Variants in DCHS2 observed in about 807,000 individuals in gnomAD.
The protein encoded by DCHS2 is dachsous cadherin-related 2.
In DCHS2, 142 loss-of-function variants were observed where a neutral mutation model predicts 182.4. The observed-to-expected ratio is 0.78, with a 90% CI of 0.68 to 0.89. The LOEUF (loss-of-function observed/expected upper bound fraction) is 0.89, where lower values mean the gene tolerates loss of function less well. Among genes scored for constraint, DCHS2 ranks in the 40% least tolerant of loss-of-function variants. DCHS2 has a pLI of 0.00. For missense variants in DCHS2, 4,319 were observed against 4,198.6 expected (o/e 1.03, Z -0.79); for synonymous variants, 1,740 against 1,663.3 (o/e 1.05, Z -1.12).
intron 1 of DCHS2, among the ~76,000 whole-genome samples, chr4:154,440,028 T>C (rs1733934711): frequency 6.6e-6 from 1 of 152,234 alleles, no homozygotes; most frequent in Non-Finnish European, 1.5e-5. Context: ...AAGTCATCTA[T>C]TTATTGAATT....
chr4:154,448,223 G>A (rs889822153), intron 1 of DCHS2, among the ~76,000 whole-genome samples: 7 of 152,022 alleles, frequency 4.6e-5, no homozygotes, highest in African/African-American at 1.7e-4. Context: ...ATGACATGTG[G>A]GCGCTCCTCT....
At position 154,298,417 on chromosome 4, in the gene DCHS2, C is replaced by T; in HGVS notation, c.5897G>A (p.Gly1966Glu). The change falls in exon 13 of 20, where the codon GGG becomes GAG. Residue 1966 changes from glycine to glutamate, a missense_variant. Coordinates refer to ENST00000357232, the MANE Select transcript of DCHS2 (RefSeq NM_001358235.2). ...ATCAGTCAGAAAATACTCAGTTTGC[C>T]CATTCAGGCCTTCATCCTTGTCCAC... ...SAVDKDEGLN[G>E]QTEYFLTDEA... 6.2e-7 allele frequency: 1 copy of T among 1,614,140 alleles called. No individual in the cohort carries two copies. The highest frequency in any genetic ancestry group is 8.5e-7 in the Non-Finnish European group (1 of 1,180,020).
intron 16 of DCHS2, among the ~76,000 whole-genome samples, chr4:154,251,420 G>T (rs1732354393): frequency 8.1e-5 from 12 of 148,298 alleles, no homozygotes; most frequent in Admixed American, 7.5e-4. Flanking sequence ...TCTATTACAA[G>T]AATTCAATTA....
chr4:154,235,415 C>A lies in DCHS2; in HGVS notation c.9237G>T (p.Glu3079Asp). Residue 3079 changes from glutamate to aspartate, a missense_variant, in exon 20 of 20, where the codon GAG becomes GAT. Physicochemically the swap from Glu to Asp is conservative, Grantham distance 45. Coordinates refer to ENST00000357232, the MANE Select transcript of DCHS2 (RefSeq NM_001358235.2). ...GTCTGTACAGATTGACAATATCCTT[C>A]TCCATGATACTTATTAAACTCAACC... ...PEWLSLISIMEKDIVNLYRHS... is the reference protein window; with the variant it reads ...PEWLSLISIMDKDIVNLYRHS... 6.2e-6 allele frequency: 10 copies of A among 1,614,080 alleles called. No homozygotes were observed. The highest frequency in any genetic ancestry group is 8.5e-6 in the Non-Finnish European group (10 of 1,179,978).
At chr4:154,367,278 A>G (rs571170261) in intron 2 of DCHS2, among the ~76,000 whole-genome samples, 8 of 152,248 alleles carry the variant, frequency 5.3e-5, no homozygotes, top group Admixed American at 2.6e-4. Flanking sequence ...AGTGTTCAGA[A>G]CAGACCGAAG....
chr4:154,378,520 AGAAGGAAGGAAG>A (rs70947162), intron 1 of DCHS2, among the ~76,000 whole-genome samples: 4 of 64,016 alleles, frequency 6.2e-5, no homozygotes, highest in African/African-American at 1.4e-4. Context: ...AAGGAAGGAA[AGAAGGAAGGAAG>A]GAAGGAAGGA....
In DCHS2 at chr4:154,377,361, A is replaced by T; in HGVS notation, c.2136T>A (p.Pro712=). The T allele has an allele frequency of 1.2e-6, 2 of 1,613,690 alleles. No individual in the cohort carries two copies. Among genetic ancestry groups the T allele is most frequent in the South Asian group, 2.2e-5 (2 of 91,060 alleles). The change falls in exon 2 of 20, where the codon CCT becomes CCA. Residue 712 remains proline, a synonymous_variant. Coordinates refer to ENST00000357232, the MANE Select transcript of DCHS2 (RefSeq NM_001358235.2). The part of the protein sequence containing the change: ...LYDGFLSYEA[P]QAFRIDPHDG... The stretch of plus-strand genomic sequence containing the variant: ...CATGAGGGTCGATCCGGAATGCCTG[A>T]GGTGCTTCATAGCTCAGGAATCCAT...
intron 3 of DCHS2, among the ~76,000 whole-genome samples, chr4:154,336,135 A>G (rs1007730677): frequency 1.3e-5 from 2 of 152,230 alleles, no homozygotes; most frequent in African/African-American, 2.4e-5. Flanking sequence ...GATATAATAC[A>G]ATAGCTGTGT....
intron 1 of DCHS2, among the ~76,000 whole-genome samples, chr4:154,488,877 AAT>A (rs1560788055): frequency 4.2e-4 from 62 of 148,260 alleles, no homozygotes; most frequent in African/African-American, 1.1e-3. Flanking sequence ...GTTTGACAAA[AAT>A]ATATATATGT....
intron 3 of DCHS2, among the ~76,000 whole-genome samples, chr4:154,347,898 A>T (rs1000318178): frequency 6.6e-6 from 1 of 151,950 alleles, no homozygotes. Flanking sequence ...TAAATGGTAC[A>T]GATTTCTGGT....
At chr4:154,424,654 A>C (rs996097470) in intron 1 of DCHS2, among the ~76,000 whole-genome samples, 1 of 152,218 alleles carries the variant, frequency 6.6e-6, no homozygotes, top group Non-Finnish European at 1.5e-5. Flanking sequence ...GAACACTGAC[A>C]CTGGAGGTTC....
chr4:154,284,249 G>A (rs947036717), intron 13 of DCHS2, among the ~76,000 whole-genome samples: 3 of 151,962 alleles, frequency 2.0e-5, no homozygotes, highest in African/African-American at 7.3e-5. Flanking sequence ...AACAATAGAC[G>A]CCAATTAAAA....
At chr4:154,406,479 T>TC (rs1258876442) in intron 1 of DCHS2, among the ~76,000 whole-genome samples, 3 of 152,230 alleles carry the variant, frequency 2.0e-5, no homozygotes, top group Non-Finnish European at 4.4e-5. Flanking sequence ...ATATATTCTG[T>TC]CTGATTTTAT....
In DCHS2 at chr4:154,491,605, G is replaced by A. The variant is rs1003412946; in HGVS notation, c.-250C>T. 3.0e-6 allele frequency: 4 copies of A among 1,329,052 alleles called. No homozygotes were observed. The highest frequency in any genetic ancestry group is 3.8e-6 in the Non-Finnish European group (4 of 1,046,606). The allele number at this position is 1,329,052 out of a possible 1,614,324, so 82.3% of individuals were successfully genotyped here. A position where few individuals can be genotyped will look rare whatever the true frequency, so the allele number is the denominator to read the frequency against. ...GCGGCAGCCACCTCTTCTGCCCCTG[G>A]ATTTCTTTAAACGAATCTCATCTCT... On this transcript the variant is annotated 5_prime_UTR_variant, in exon 1 of 20. Transcript: ENST00000357232.
chr4:154,241,283 C>T (rs1159876989), intron 17 of DCHS2, among the ~76,000 whole-genome samples: 1 of 152,114 alleles, frequency 6.6e-6, no homozygotes, highest in African/African-American at 2.4e-5. Context: ...GAATTAGATA[C>T]TTATTTCCTT....
rs1294293302 is a variant in DCHS2, at chr4:154,298,190, G to A, written c.6124C>T (p.Pro2042Ser). Residue 2042 changes from proline to serine, a missense_variant, in exon 13 of 20, where the codon CCT becomes TCT. Transcript: ENST00000357232. Reference protein sequence around the residue: ...NDNDPVLEQNPFDVFLSPESP... With the variant: ...NDNDPVLEQNSFDVFLSPESP... ...TCGGGGGAAAGAAACACATCAAAAG[G>A]GTTCTGTTCCAAAACTGGATCATTG... 6.2e-7 allele frequency: 1 copy of A among 1,614,048 alleles called. No homozygotes were observed. The highest frequency in any genetic ancestry group is 8.5e-7 in the Non-Finnish European group (1 of 1,179,992).
At chr4:154,374,493 T>C (rs1730796973) in intron 2 of DCHS2, 1 of 152,278 alleles carries the variant, frequency 6.6e-6, no homozygotes, top group Non-Finnish European at 1.5e-5. Context: ...TGAATTAATA[T>C]AAATTCTGTT....
chr4:154,428,414 C>T (rs1413638633), intron 1 of DCHS2, among the ~76,000 whole-genome samples: 7 of 151,916 alleles, frequency 4.6e-5, no homozygotes, highest in Non-Finnish European at 8.8e-5. Context: ...TGGTATGTGC[C>T]TGTGATTTCA....
chr4:154,236,835 T>C lies in DCHS2; in HGVS notation c.7817A>G (p.His2606Arg), dbSNP rs777568229. The change falls in exon 20 of 20, where the codon CAT becomes CGT. Residue 2606 changes from histidine (H) to arginine (R), a missense_variant. By Grantham distance (29) the His-to-Arg change is conservative. Transcript: ENST00000357232. ...GACTTGCTTATAAGGATATTCTGAA[T>C]GAAAGAACTTAGTTTCCACATGAAA... is the stretch of plus-strand genomic sequence containing the variant. ...NNFHVETKFFHSEYPYKQVGY... is the reference protein window; with the variant it reads ...NNFHVETKFFRSEYPYKQVGY... The C allele has an allele frequency of 1.5e-5, 25 of 1,613,988 alleles. No homozygotes were observed. The Admixed American group carries it at 4.2e-4, about 27-fold the overall frequency.
Sources: gnomAD v4.1 joint callset for allele counts (sites outside exome capture counted in the v4.1 genomes callset) on GRCh38, gnomAD v4.1.1 for gene constraint, MANE v1.5 for transcripts, NCBI Gene and HGNC (gene_info 2026-07-23, HGNC 2026-07-21) for gene names.